The following CSGALNACT2 variants were observed in gnomAD, a reference collection of about 807,000 sequenced individuals.
CSGALNACT2 encodes the protein chondroitin sulfate N-acetylgalactosaminyltransferase 2.
In CSGALNACT2, 35 loss-of-function variants were observed where a neutral mutation model predicts 55.3. That is an observed-to-expected ratio of 0.63 (90% CI 0.48 to 0.84). CSGALNACT2 has a LOEUF of 0.84. Among genes scored for constraint, CSGALNACT2 ranks in the 40% least tolerant of loss-of-function variants. The pLI, the probability that CSGALNACT2 is intolerant of heterozygous loss-of-function variation, is 0.00. For missense variants in CSGALNACT2, 544 were observed against 657.5 expected (o/e 0.83, Z 1.89); for synonymous variants, 196 against 224.9 (o/e 0.87, Z 1.15).
At chr10:43,143,148 C>T (rs943409124) in intron 1 of CSGALNACT2, among the ~76,000 whole-genome samples, 10 of 152,210 alleles carry the variant, frequency 6.6e-5, no homozygotes, top group African/African-American at 2.4e-4. Context: ...TTCAGGCCAT[C>T]TGGCTCCCAA....
At chr10:43,146,229 A>G (rs899577813) in intron 1 of CSGALNACT2, among the ~76,000 whole-genome samples, 5 of 152,190 alleles carry the variant, frequency 3.3e-5, no homozygotes, top group Non-Finnish European at 5.9e-5. Flanking sequence ...TGCAGCCTTC[A>G]GTCTGTGCAG....
chr10:43,169,334 C>A (rs1588908999), intron 6 of CSGALNACT2, among the ~76,000 whole-genome samples: 3 of 152,138 alleles, frequency 2.0e-5, no homozygotes, highest in Middle Eastern at 6.8e-3. Context: ...GAAAGAGGCA[C>A]CAAGTGTTAA....
chr10:43,147,350 T>C (rs1838780267), intron 1 of CSGALNACT2, among the ~76,000 whole-genome samples: 1 of 138,382 alleles, frequency 7.2e-6, no homozygotes, highest in Non-Finnish European at 1.6e-5. Context: ...TTTGTTATTA[T>C]TTCATTTTGA....
chr10:43,170,446 C>T, intron 6 of CSGALNACT2, among the ~76,000 whole-genome samples: 1 of 152,310 alleles, frequency 6.6e-6, no homozygotes, highest in Middle Eastern at 3.4e-3. Flanking sequence ...CGAAGGGGCA[C>T]AGGAGCCAAC....
intron 1 of CSGALNACT2, among the ~76,000 whole-genome samples, chr10:43,144,366 AG>A (rs1838696933): frequency 6.6e-6 from 1 of 152,234 alleles, no homozygotes; most frequent in South Asian, 2.1e-4. Context: ...GTAAGGGACC[AG>A]TGCTGTAGCA....
rs12571369 is a variant in CSGALNACT2, at chr10:43,155,782, G to A, written c.633G>A (p.Leu211=). ...EDEEGPLGEK[L]IFNENDFVEG... ...AGGAGGGTCCCCTTGGAGAGAAACT[G>A]ATATTTAATGAAAATGACTTCGTAG... Residue 211 remains leucine, a synonymous_variant, in exon 2 of 8, where the codon CTG becomes CTA. Transcript: ENST00000374466. 25 of 1,608,024 alleles carry A rather than the reference G, an allele frequency of 1.6e-5. No individual in the cohort carries two copies. In the East Asian group the frequency reaches 5.4e-4, roughly 34 times the overall value.
At chr10:43,153,418 A>G (rs1222672914) in intron 1 of CSGALNACT2, among the ~76,000 whole-genome samples, 2 of 152,012 alleles carry the variant, frequency 1.3e-5, no homozygotes, top group African/African-American at 2.4e-5. Flanking sequence ...ATAAATGACT[A>G]AGGAGAGTTA....
intron 6 of CSGALNACT2, among the ~76,000 whole-genome samples, chr10:43,171,611 A>G (rs1839384650): frequency 6.6e-6 from 1 of 152,156 alleles, no homozygotes; most frequent in South Asian, 2.1e-4. Context: ...TCAGCCTCCC[A>G]AAGTGTTGGG....
chr10:43,178,681 T>C (rs1203880991), intron 7 of CSGALNACT2, among the ~76,000 whole-genome samples: 1 of 152,084 alleles, frequency 6.6e-6, no homozygotes, highest in Non-Finnish European at 1.5e-5. Context: ...TTATATTGTA[T>C]TTAAATTTTT....
chr10:43,144,430 G>A (rs1364570999), intron 1 of CSGALNACT2, among the ~76,000 whole-genome samples: 1 of 152,166 alleles, frequency 6.6e-6, no homozygotes, highest in African/African-American at 2.4e-5. Context: ...AAGGAGAAAA[G>A]ATATGGTAAG....
intron 1 of CSGALNACT2, among the ~76,000 whole-genome samples, chr10:43,150,243 T>C (rs1838847968): frequency 1.3e-5 from 2 of 152,238 alleles, no homozygotes; most frequent in South Asian, 4.1e-4. Flanking sequence ...TTTCTATCTT[T>C]CTAGGATTTT....
rs75731618 is a variant in CSGALNACT2 at position 43,176,668 on chromosome 10, C to G, written c.1336+636C>G. Among the ~76,000 whole-genome samples, 4 of 152,198 alleles carry G rather than the reference C, an allele frequency of 2.6e-5. No individual in the cohort carries two copies. In the East Asian group the frequency reaches 7.7e-4, roughly 29 times the overall value. ...GCAGCCTCTGCCTCCCAGGCTCAAGCGATCCTCCTACCTCAATCCCCAAGT... is the reference window on the plus strand; with the variant it reads ...GCAGCCTCTGCCTCCCAGGCTCAAGGGATCCTCCTACCTCAATCCCCAAGT... On this transcript the variant is annotated intron_variant, in intron 7 of 7. Transcript: ENST00000374466.
Position 43,175,762 on chromosome 10 carries a change from G to A in CSGALNACT2, c.1255-189G>A, listed in dbSNP as rs185057795. Reference sequence around the variant, plus strand: ...AATTAGTAACCTCAGCTTGCACCTTGTACAGGCTTTGAGTTCTATTTTTAT... The same window carrying A: ...AATTAGTAACCTCAGCTTGCACCTTATACAGGCTTTGAGTTCTATTTTTAT... On this transcript the variant is annotated intron_variant, in intron 6 of 7. Coordinates refer to ENST00000374466, the MANE Select transcript of CSGALNACT2 (RefSeq NM_018590.5). Among the ~76,000 whole-genome samples the A allele has an allele frequency of 8.5e-5, 13 of 152,264 alleles. No homozygotes were observed. The East Asian group carries it at 2.3e-3, about 27-fold the overall frequency.
chr10:43,171,726 G>C (rs1349880820), intron 6 of CSGALNACT2, among the ~76,000 whole-genome samples: 6 of 152,196 alleles, frequency 3.9e-5, no homozygotes. Context: ...CATTCTAGGT[G>C]TTGCATAGCA....
chr10:43,155,877 T>G, intron 2 of CSGALNACT2, 67 bp downstream of exon 2: 1 of 1,310,214 alleles, frequency 7.6e-7, no homozygotes, highest in East Asian at 2.3e-5. Context: ...TATGCTGGTA[T>G]TGTATTGTAG....
In CSGALNACT2 at chr10:43,155,040, A is replaced by C; in HGVS notation, c.-110A>C. The C allele has an allele frequency of 1.1e-6, 1 of 915,142 alleles. No homozygotes were observed. The highest frequency in any genetic ancestry group is 1.7e-6 in the Non-Finnish European group (1 of 604,734). The allele number at this position is 915,142 out of a possible 1,614,324, so 56.7% of individuals were successfully genotyped here. On this transcript the variant is annotated 5_prime_UTR_variant, in exon 2 of 8. Coordinates refer to ENST00000374466, the MANE Select transcript of CSGALNACT2 (RefSeq NM_018590.5). Reference sequence around the variant, plus strand: ...AGAAAGAAAAACTTAAAGCTACGGCAGAATTATTTTATGGAAATTCTGATT... The same window carrying C: ...AGAAAGAAAAACTTAAAGCTACGGCCGAATTATTTTATGGAAATTCTGATT...
intron 4 of CSGALNACT2, chr10:43,162,480 C>T (rs1406468570): frequency 3.0e-6 from 3 of 985,238 alleles, no homozygotes; most frequent in Admixed American, 1.2e-4. Context: ...CCACTTGATG[C>T]TGAGTATGTG....
At chr10:43,168,818 A>G (rs908936948) in intron 6 of CSGALNACT2, among the ~76,000 whole-genome samples, 7 of 152,176 alleles carry the variant, frequency 4.6e-5, no homozygotes, top group African/African-American at 1.4e-4. Flanking sequence ...TATTCTGAAG[A>G]AAAGGGTACA....
intron 2 of CSGALNACT2, among the ~76,000 whole-genome samples, chr10:43,156,250 A>C (rs573273960): frequency 6.6e-6 from 1 of 152,238 alleles, no homozygotes; most frequent in African/African-American, 2.4e-5. Flanking sequence ...AGGAAGGAGA[A>C]GCTCATGTCT....
Sources: gnomAD v4.1 joint callset for allele counts (sites outside exome capture counted in the v4.1 genomes callset) on GRCh38, gnomAD v4.1.1 for gene constraint, MANE v1.5 for transcripts, NCBI Gene and HGNC (gene_info 2026-07-23, HGNC 2026-07-21) for gene names.